CHST9: variants seen among roughly 807,000 people sequenced by gnomAD.
CHST9 encodes carbohydrate sulfotransferase 9, also known as GalNAc-4-sulfotransferase 2.
In CHST9, 41 loss-of-function variants were observed where a neutral mutation model predicts 44.4. The observed-to-expected ratio is 0.92, with a 90% confidence interval of 0.72 to 1.20. CHST9 has a LOEUF of 1.20. Among genes scored for constraint, CHST9 ranks in the 50% most tolerant of loss-of-function variants. The probability of loss-of-function intolerance (pLI) is 0.00; values close to 1 mark genes in which losing one functional copy is unlikely to be tolerated. For synonymous variants in CHST9, 171 were observed against 178.4 expected (o/e 0.96, Z 0.33); for missense variants, 504 against 516.5 (o/e 0.98, Z 0.23).
At chr18:27,014,690 A>T (rs1241176095) in intron 4 of CHST9, among the ~76,000 whole-genome samples, 1 of 151,988 alleles carries the variant, frequency 6.6e-6, no homozygotes, top group Non-Finnish European at 1.5e-5. Context: ...GAAAAAAAAC[A>T]TTTAAATTGA....
chr18:27,149,137 C>A (rs1733747150), intron 1 of CHST9, among the ~76,000 whole-genome samples: 1 of 127,958 alleles, frequency 7.8e-6, no homozygotes, highest in Non-Finnish European at 1.7e-5. Flanking sequence ...TGTTTGAGTT[C>A]ATTGTAGATT....
At chr18:27,179,104 C>CTCTA (rs1555631029) in intron 1 of CHST9, among the ~76,000 whole-genome samples, 11 of 135,708 alleles carry the variant, frequency 8.1e-5, no homozygotes, top group African/African-American at 1.3e-4. Context: ...CTCTCTCTCT[C>CTCTA]TATATATATA....
intron 5 of CHST9, among the ~76,000 whole-genome samples, chr18:26,925,134 A>G (rs1312941913): frequency 2.1e-4 from 31 of 150,326 alleles, no homozygotes; most frequent in Admixed American, 2.1e-3. Context: ...ATTAAAGGAC[A>G]AAAAAAAATT....
At chr18:26,983,325 G>C (rs1375805625) in intron 4 of CHST9, among the ~76,000 whole-genome samples, 1 of 152,140 alleles carries the variant, frequency 6.6e-6, no homozygotes, top group African/African-American at 2.4e-5. Flanking sequence ...GTGGGAGATG[G>C]GACCTGTTGA....
intron 2 of CHST9, among the ~76,000 whole-genome samples, chr18:27,132,051 T>C (rs889436916): frequency 6.6e-6 from 1 of 152,222 alleles, no homozygotes; most frequent in African/African-American, 2.4e-5. Flanking sequence ...TCCAACTGCC[T>C]TGGGGCCACT....
chr18:27,138,827 A>G (rs531460306), intron 2 of CHST9, among the ~76,000 whole-genome samples: 1 of 152,188 alleles, frequency 6.6e-6, no homozygotes, highest in Non-Finnish European at 1.5e-5. Context: ...AACAAACAGG[A>G]GATCTGAGAT....
chr18:26,917,356 A>G lies in CHST9; in HGVS notation c.241-6T>C. 6.2e-7 allele frequency: 1 copy of G among 1,604,916 alleles called. No homozygotes were observed. ...GGCATGTGAAACTTGGGGTTCTGTT[A>G]AAATAAAGAAGGAGAAATGTTGAAA... is the stretch of plus-strand genomic sequence containing the variant. On this transcript the variant is annotated splice_polypyrimidine_tract_variant and splice_region_variant and intron_variant, in intron 5 of 5. Transcript: ENST00000618847.
intron 5 of CHST9, among the ~76,000 whole-genome samples, chr18:26,927,281 G>A (rs1017110228): frequency 2.0e-5 from 3 of 152,134 alleles, no homozygotes; most frequent in South Asian, 2.1e-4. Flanking sequence ...CACAGGTGAA[G>A]GGGAGGTCTT....
chr18:26,919,406 T>G (rs541229945), intron 5 of CHST9, among the ~76,000 whole-genome samples: 1 of 152,338 alleles, frequency 6.6e-6, no homozygotes, highest in South Asian at 2.1e-4. Flanking sequence ...ACTGAAAATA[T>G]AAAATTTGAC....
intron 5 of CHST9, chr18:26,935,572 C>T (rs1416826873): frequency 6.6e-6 from 1 of 152,180 alleles, no homozygotes; most frequent in Non-Finnish European, 1.5e-5. Flanking sequence ...GCTAATCATT[C>T]AACATAGTAA....
chr18:27,094,593 T>C (rs2058099212), intron 2 of CHST9, among the ~76,000 whole-genome samples: 1 of 152,186 alleles, frequency 6.6e-6, no homozygotes, highest in African/African-American at 2.4e-5. Context: ...ATAAATGATG[T>C]TTCATTTTAA....
intron 2 of CHST9, among the ~76,000 whole-genome samples, chr18:27,098,145 A>C (rs2058135482): frequency 6.6e-6 from 1 of 152,126 alleles, no homozygotes; most frequent in South Asian, 2.1e-4. Flanking sequence ...AAGTGGGTGA[A>C]GGATATGAAC....
chr18:27,136,994 C>A (rs558285034), intron 2 of CHST9, among the ~76,000 whole-genome samples: 1 of 152,144 alleles, frequency 6.6e-6, no homozygotes, highest in Admixed American at 6.6e-5. Context: ...AAAATATGTG[C>A]ATATAACTCT....
At chr18:27,109,149 T>A (rs75474329) in intron 2 of CHST9, among the ~76,000 whole-genome samples, 2,435 of 152,260 alleles carry the variant, frequency 0.016, 64 homozygotes, top group African/African-American at 0.055. Context: ...CAGCAAGACT[T>A]ATGTAGAAAA....
chr18:27,070,537 G>A (rs1381934909), intron 2 of CHST9, among the ~76,000 whole-genome samples: 1 of 152,026 alleles, frequency 6.6e-6, no homozygotes, highest in Admixed American at 6.6e-5. Context: ...TCCATGATAG[G>A]GTTCCAATCT....
chr18:26,934,344 C>T (rs1024153124), intron 5 of CHST9: 1 of 151,818 alleles, frequency 6.6e-6, no homozygotes, highest in Non-Finnish European at 1.5e-5. Flanking sequence ...ACGCCATTCT[C>T]CTGCCTCAGC....
At chr18:26,956,288 G>T (rs2056320962) in intron 4 of CHST9, among the ~76,000 whole-genome samples, 2 of 143,842 alleles carry the variant, frequency 1.4e-5, no homozygotes, top group African/African-American at 2.6e-5. Context: ...CTCCAGCCTG[G>T]GCGACAGAGT....
At chr18:27,067,617 T>C (rs1268268879) in intron 2 of CHST9, among the ~76,000 whole-genome samples, 1 of 152,140 alleles carries the variant, frequency 6.6e-6, no homozygotes, top group Non-Finnish European at 1.5e-5. Context: ...GGATTTACAG[T>C]TCTGCTCTCG....
chr18:27,110,707 G>A (rs555924296), intron 2 of CHST9, among the ~76,000 whole-genome samples: 1 of 152,314 alleles, frequency 6.6e-6, no homozygotes, highest in South Asian at 2.1e-4. Flanking sequence ...ATCCCCTCAT[G>A]CTTCAGAGGC....
Sources: allele counts gnomAD v4.1 joint callset (sites outside exome capture counted in the v4.1 genomes callset), GRCh38; gene constraint gnomAD v4.1.1; transcripts MANE v1.5; gene names NCBI Gene and HGNC (gene_info 2026-07-23, HGNC 2026-07-21).